MITF: variants seen among roughly 807,000 people sequenced by gnomAD.
The protein encoded by MITF is melanocyte inducing transcription factor, also known as microphthalmia-associated transcription factor.
A neutral mutation model predicts 60.5 loss-of-function variants in MITF; 17 were observed. That is an observed-to-expected ratio of 0.28 (90% CI 0.19 to 0.42). The LOEUF (loss-of-function observed/expected upper bound fraction) is 0.42, where lower values mean the gene tolerates loss of function less well. Among genes scored for constraint, MITF ranks in the 10% least tolerant of loss-of-function variants. The probability of loss-of-function intolerance (pLI) is 1.00; values close to 1 mark genes in which losing one functional copy is unlikely to be tolerated. For missense variants in MITF, 622 were observed against 683.5 expected (o/e 0.91, Z 1.00); for synonymous variants, 260 against 248.5 (o/e 1.05, Z -0.43).
chr3:69,834,846 C>CT (rs71126468), intron 1 of MITF, among the ~76,000 whole-genome samples: 5,851 of 129,600 alleles, frequency 0.045, 404 homozygotes, highest in African/African-American at 0.14. Context: ...GTTTTCTTTT[C>CT]TTTTTTTTTT....
intron 1 of MITF, among the ~76,000 whole-genome samples, chr3:69,775,086 C>T (rs1229573816): frequency 6.6e-6 from 1 of 152,318 alleles, no homozygotes; most frequent in East Asian, 1.9e-4. Flanking sequence ...CAACCCACCT[C>T]CTTGCCCCTC....
intron 1 of MITF, among the ~76,000 whole-genome samples, chr3:69,759,610 G>C (rs1337394935): frequency 6.6e-6 from 1 of 152,236 alleles, no homozygotes; most frequent in African/African-American, 2.4e-5. Context: ...CATGAATAAT[G>C]AGGGTTGACT....
At chr3:69,869,163 G>A (rs1202574269) in intron 1 of MITF, among the ~76,000 whole-genome samples, 1 of 152,178 alleles carries the variant, frequency 6.6e-6, no homozygotes, top group African/African-American at 2.4e-5. Flanking sequence ...TTGGGAGACA[G>A]ACACCAACTT....
intron 1 of MITF, among the ~76,000 whole-genome samples, chr3:69,835,219 C>T (rs1006786670): frequency 2.0e-5 from 3 of 151,914 alleles, no homozygotes; most frequent in Non-Finnish European, 2.9e-5. Flanking sequence ...GGTGTTGCCA[C>T]GTTGCCGAGA....
intron 1 of MITF, among the ~76,000 whole-genome samples, chr3:69,818,011 C>T (rs190635683): frequency 1.3e-4 from 20 of 152,228 alleles, no homozygotes; most frequent in East Asian, 3.9e-4. Flanking sequence ...GATAAAACTT[C>T]GCTGATGGTT....
At chr3:69,868,952 A>G (rs1234307776) in intron 1 of MITF, among the ~76,000 whole-genome samples, 1 of 151,946 alleles carries the variant, frequency 6.6e-6, no homozygotes, top group African/African-American at 2.4e-5. Flanking sequence ...TTACTAAAAT[A>G]TATTCATTGA....
At chr3:69,908,612 C>T (rs1264865465) in intron 2 of MITF, among the ~76,000 whole-genome samples, 2 of 152,110 alleles carry the variant, frequency 1.3e-5, no homozygotes, top group Admixed American at 1.3e-4. Context: ...TACCACACTG[C>T]CATTCAACCT....
intron 1 of MITF, among the ~76,000 whole-genome samples, chr3:69,794,809 T>C (rs994117147): frequency 6.6e-6 from 1 of 152,220 alleles, no homozygotes; most frequent in African/African-American, 2.4e-5. Flanking sequence ...CCTCAATCAC[T>C]CTGACTTAGT....
chr3:69,892,972 A>G (rs1310568998), intron 2 of MITF, among the ~76,000 whole-genome samples: 1 of 152,228 alleles, frequency 6.6e-6, no homozygotes, highest in Non-Finnish European at 1.5e-5. Flanking sequence ...GAAATAAAAC[A>G]AACGGTCATT....
chr3:69,747,753 T>A (rs1256340410), intron 1 of MITF, among the ~76,000 whole-genome samples: 1 of 152,230 alleles, frequency 6.6e-6, no homozygotes, highest in Non-Finnish European at 1.5e-5. Context: ...ATGGGTCTTG[T>A]TAGTTTTGTT....
rs571415950 is a variant in MITF, at chr3:69,946,481, G to A, written c.763-2570G>A. ...CTGTTAACATGGGACGTGAGCCTCC[G>A]ACCAAAAACCTCCATTAGGCAATGG... On this transcript the variant is annotated intron_variant, in intron 5 of 9. Coordinates refer to ENST00000352241, the MANE Select transcript of MITF (RefSeq NM_001354604.2). 1.1e-4 allele frequency among the ~76,000 whole-genome samples: 16 copies of A among 152,130 alleles called. 1 individual carries two copies. The highest frequency in any genetic ancestry group is 3.4e-4 in the African/African-American group (14 of 41,502).
chr3:69,900,257 C>T lies in MITF; in HGVS notation c.354+20874C>T, dbSNP rs182636472. Among the ~76,000 whole-genome samples, 21 of 152,230 alleles carry T rather than the reference C, an allele frequency of 1.4e-4. No individual in the cohort carries two copies. The East Asian group carries it at 2.7e-3, about 20-fold the overall frequency. On this transcript the variant is annotated intron_variant, in intron 2 of 9. Coordinates refer to ENST00000352241, the MANE Select transcript of MITF (RefSeq NM_001354604.2). ...GCTCCCAGCTAACACACACCTCAGC[C>T]ACCCTGTTGCAGCCGGTTTATTTTT...
At chr3:69,840,297 C>T (rs1171067953) in intron 1 of MITF, among the ~76,000 whole-genome samples, 1 of 152,162 alleles carries the variant, frequency 6.6e-6, no homozygotes, top group Non-Finnish European at 1.5e-5. Context: ...AGGTGAACCA[C>T]TGTGAGGTTT....
intron 1 of MITF, among the ~76,000 whole-genome samples, chr3:69,853,574 C>T (rs947267851): frequency 6.6e-6 from 1 of 152,116 alleles, no homozygotes; most frequent in Non-Finnish European, 1.5e-5. Flanking sequence ...CCTCTGGAAG[C>T]CTCATCTTTG....
At chr3:69,866,242 G>A (rs2107227957) in intron 1 of MITF, 2 of 1,608,906 alleles carry the variant, frequency 1.2e-6, no homozygotes, top group Non-Finnish European at 1.7e-6. Context: ...AACTAACTTT[G>A]ACTTTCACTC....
intron 6 of MITF, 137 bp downstream of exon 6, chr3:69,949,305 C>G (rs2066181814): frequency 1.5e-6 from 1 of 658,960 alleles, no homozygotes; most frequent in Admixed American, 2.5e-5. Context: ...GTGGTTAAAA[C>G]ATTATGCAAT....
intron 1 of MITF, among the ~76,000 whole-genome samples, chr3:69,803,569 A>G (rs1575738153): frequency 6.6e-6 from 1 of 152,344 alleles, no homozygotes; most frequent in East Asian, 1.9e-4. Context: ...CTAAAGAAAA[A>G]TAAAGCCTTG....
Position 69,963,970 on chromosome 3 carries a change from C to CTTTTTTTTTT in MITF, c.1180-863_1180-854dup, listed in dbSNP as rs56921812. 4.9e-4 allele frequency among the ~76,000 whole-genome samples: 42 copies of CTTTTTTTTTT among 86,114 alleles called. 1 individual carries two copies. Among genetic ancestry groups the CTTTTTTTTTT allele is most frequent in the Non-Finnish European group, 5.3e-4 (25 of 47,054 alleles). The allele number at this position is 86,114 out of a possible 152,430, so 56.5% of individuals were successfully genotyped here. A position where few individuals can be genotyped will look rare whatever the true frequency, so the allele number is the denominator to read the frequency against. ...ACTGAATATGTTTCTTTTTTCTTTT[C>CTTTTTTTTTT]TTTTTTTTTTTTTTTTTTTTTTTGA... On this transcript the variant is annotated intron_variant, in intron 9 of 9. Transcript: ENST00000352241.
At chr3:69,943,107 A>G (rs906429626) in intron 5 of MITF, among the ~76,000 whole-genome samples, 2 of 98,246 alleles carry the variant, frequency 2.0e-5, no homozygotes, top group Admixed American at 1.2e-4. Flanking sequence ...ACAGGGTTTC[A>G]TTTTGTTGCC....
Sources: gnomAD v4.1 joint callset for allele counts (sites outside exome capture counted in the v4.1 genomes callset) on GRCh38, gnomAD v4.1.1 for gene constraint, MANE v1.5 for transcripts, NCBI Gene and HGNC (gene_info 2026-07-23, HGNC 2026-07-21) for gene names.